The following DMTF1 variants were observed in gnomAD, a reference collection of about 807,000 sequenced individuals.
DMTF1 encodes cyclin-D-binding Myb-like transcription factor 1.
DMTF1 carries 39 observed loss-of-function variants against 91.1 expected under a neutral mutation model. The ratio of observed to expected loss-of-function variants is 0.43; its 90% confidence interval spans 0.33 to 0.56. The LOEUF is 0.56. Ranked by LOEUF, DMTF1 falls within the 20% of genes least tolerant of loss-of-function variation. The pLI is 0.05. For synonymous variants in DMTF1, 338 were observed against 309.5 expected (o/e 1.09, Z -0.97); for missense variants, 750 against 914.5 (o/e 0.82, Z 2.32).
chr7:87,172,154 C>G (rs1795205675), intron 5 of DMTF1, among the ~76,000 whole-genome samples: 1 of 152,164 alleles, frequency 6.6e-6, no homozygotes, highest in Non-Finnish European at 1.5e-5. Context: ...CTCTGTTACA[C>G]TCTTTACTGA....
Position 87,185,965 on chromosome 7 carries a change from G to A in DMTF1, c.1186G>A (p.Asp396Asn). ...TIKRQIANHK[D>N]VSFPVLIKGL... is the part of the protein sequence containing the mutation. ...CAAAAGGCAAATTGCAAACCATAAGGATGTTTCGTTCCCTGGTAATGTATT... is the reference window on the plus strand; with the variant it reads ...CAAAAGGCAAATTGCAAACCATAAGAATGTTTCGTTCCCTGGTAATGTATT... The change falls in exon 12 of 18, where the codon GAT becomes AAT. Residue 396 changes from aspartate (D) to asparagine (N), a missense_variant. Asp to Asn is a conservative substitution (Grantham distance 23, BLOSUM62 1). Around this residue, in one of 3 missense-constraint regions of DMTF1, gnomAD observed 190 missense variants for 343.8 expected, o/e 0.55. Coordinates refer to ENST00000331242, the MANE Select transcript of DMTF1 (RefSeq NM_001142327.2). The A allele has an allele frequency of 6.2e-7, 1 of 1,613,722 alleles. No individual in the cohort carries two copies. Among genetic ancestry groups the A allele is most frequent in the South Asian group, 1.1e-5 (1 of 91,078 alleles).
chr7:87,166,865 T>C (rs1416924421), intron 4 of DMTF1, among the ~76,000 whole-genome samples: 1 of 152,198 alleles, frequency 6.6e-6, no homozygotes, highest in Non-Finnish European at 1.5e-5. Flanking sequence ...CTTTTATTCC[T>C]GATTGTGCTT....
intron 1 of DMTF1, among the ~76,000 whole-genome samples, chr7:87,160,628 T>G (rs1792075090): frequency 6.6e-6 from 1 of 152,142 alleles, no homozygotes; most frequent in African/African-American, 2.4e-5. Context: ...TCAGTAAGGC[T>G]TCTGCCTCTA....
chr7:87,171,869 T>C (rs1463926540), intron 5 of DMTF1, among the ~76,000 whole-genome samples: 1 of 152,206 alleles, frequency 6.6e-6, no homozygotes. Context: ...TTATTGACAG[T>C]GTTGAATACT....
intron 6 of DMTF1, among the ~76,000 whole-genome samples, 181 bp downstream of exon 6, chr7:87,173,830 C>G (rs1239387058): frequency 6.6e-6 from 1 of 152,114 alleles, no homozygotes; most frequent in Middle Eastern, 3.2e-3. Context: ...ATGAAACCAC[C>G]ATTTGTTTTT....
At chr7:87,160,716 CT>C (rs1332003114) in intron 1 of DMTF1, among the ~76,000 whole-genome samples, 77 of 152,302 alleles carry the variant, frequency 5.1e-4, no homozygotes, top group Admixed American at 3.1e-3. Flanking sequence ...TCTCAGTTAT[CT>C]TTCCCCCCAG....
chr7:87,191,333 T>C (rs1267775452), intron 14 of DMTF1, among the ~76,000 whole-genome samples: 2 of 152,124 alleles, frequency 1.3e-5, no homozygotes, highest in East Asian at 1.9e-4. Flanking sequence ...AAACTAATCA[T>C]GAGCAATTTA....
intron 10 of DMTF1, among the ~76,000 whole-genome samples, chr7:87,182,980 C>G (rs1797683972): frequency 6.6e-6 from 1 of 151,788 alleles, no homozygotes; most frequent in Admixed American, 6.6e-5. Flanking sequence ...CCTTTCTGAG[C>G]CTCACTTCCT....
intron 10 of DMTF1, among the ~76,000 whole-genome samples, chr7:87,184,068 C>G (rs564565486): frequency 6.6e-6 from 1 of 152,148 alleles, no homozygotes; most frequent in Non-Finnish European, 1.5e-5. Context: ...CAGCCATTGA[C>G]GAAGCTCTTC....
At chr7:87,161,167 C>A (rs560278973) in intron 1 of DMTF1, among the ~76,000 whole-genome samples, 11 of 152,082 alleles carry the variant, frequency 7.2e-5, no homozygotes, top group Non-Finnish European at 1.3e-4. Context: ...CCACATAGCT[C>A]AGACTATAGG....
intron 14 of DMTF1, among the ~76,000 whole-genome samples, chr7:87,192,092 C>T (rs1386604686): frequency 6.6e-6 from 1 of 151,848 alleles, no homozygotes; most frequent in African/African-American, 2.4e-5. Flanking sequence ...AAGCCCATTC[C>T]CCTGGTAAAC....
chr7:87,172,542 A>G (rs555350418), intron 5 of DMTF1, among the ~76,000 whole-genome samples: 40 of 152,332 alleles, frequency 2.6e-4, no homozygotes, highest in Admixed American at 1.3e-3. Context: ...ATGGGTTTCA[A>G]TTTCTCTTTA....
Position 87,193,706 on chromosome 7 carries a change from G to A in DMTF1, c.1651-19G>A. 1 of 1,565,506 alleles carries A rather than the reference G, an allele frequency of 6.4e-7. No individual in the cohort carries two copies. The highest frequency in any genetic ancestry group is 8.6e-7 in the Non-Finnish European group (1 of 1,156,944). The stretch of plus-strand genomic sequence containing the variant: ...GTCATTTGATTTACAACTTTAACAG[G>A]TTCTTTAATGTTTTATAGCCAGAAC... On this transcript the variant is annotated intron_variant, in intron 15 of 17. Coordinates refer to ENST00000331242, the MANE Select transcript of DMTF1 (RefSeq NM_001142327.2).
chr7:87,194,998 A>G, intron 17 of DMTF1, 33 bp from the exon 18 acceptor site: 1 of 1,548,778 alleles, frequency 6.5e-7, no homozygotes. Context: ...GAATAAATAT[A>G]TACATTTAAG....
Position 87,194,047 on chromosome 7 carries a change from C to A in DMTF1, c.1973C>A (p.Thr658Asn). 1 of 1,611,940 alleles carries A rather than the reference C, an allele frequency of 6.2e-7. No individual in the cohort carries two copies. The highest frequency in any genetic ancestry group is 8.5e-7 in the Non-Finnish European group (1 of 1,179,016). The change falls in exon 16 of 18, where the codon ACC becomes AAC. Residue 658 changes from threonine to asparagine, a missense_variant. Thr to Asn is a moderately conservative substitution (Grantham distance 65). Around this residue, in one of 3 missense-constraint regions of DMTF1, gnomAD observed 410 missense variants for 420.2 expected, o/e 0.98. Coordinates refer to ENST00000331242, the MANE Select transcript of DMTF1 (RefSeq NM_001142327.2). ...AGAACAGAAGAAGAAATCTCTGACA[C>A]CGACCTTAAACAAGAGGAATCACCC... ...MVRTEEEISD[T>N]DLKQEESPSD...
At chr7:87,175,127 TCTC>T (rs1177518266) in intron 7 of DMTF1, among the ~76,000 whole-genome samples, 1 of 151,952 alleles carries the variant, frequency 6.6e-6, no homozygotes, top group Non-Finnish European at 1.5e-5. Context: ...CCAGCTATAT[TCTC>T]CTGCCTCAGC....
rs543790234 is a variant in DMTF1, at chr7:87,159,977, A to C, written c.-131-3518A>C. 2.0e-5 allele frequency among the ~76,000 whole-genome samples: 3 copies of C among 152,336 alleles called. 1 individual carries two copies. Among genetic ancestry groups the C allele is most frequent in the African/African-American group, 7.2e-5 (3 of 41,578 alleles). On this transcript the variant is annotated intron_variant, in intron 1 of 17. Transcript: ENST00000331242. ...TCTTTATTTTGCTCCAAAAAGGACCAAAAAAGTGATAGCAGAGTTGGCGAT... is the reference window on the plus strand; with the variant it reads ...TCTTTATTTTGCTCCAAAAAGGACCCAAAAAGTGATAGCAGAGTTGGCGAT...
intron 8 of DMTF1, 47 bp from the exon 9 acceptor site, chr7:87,181,262 C>T (rs778287915): frequency 2.3e-6 from 2 of 862,402 alleles, no homozygotes; most frequent in Middle Eastern, 2.7e-4. Flanking sequence ...AGGTTTTTAG[C>T]ATTCATTGTT....
At position 87,165,069 on chromosome 7, in the gene DMTF1, A is replaced by G. The variant is rs775331240; in HGVS notation, c.109+19A>G. The G allele has an allele frequency of 6.4e-7, 1 of 1,550,952 alleles. No homozygotes were observed. The highest frequency in any genetic ancestry group is 8.9e-7 in the Non-Finnish European group (1 of 1,128,644). ...CAGAATGGTAGGAGAACTTGCTGAC[A>G]TATAATTCTGACTCTCTGAATTTAT... is the stretch of plus-strand genomic sequence containing the variant. On this transcript the variant is annotated intron_variant, in intron 3 of 17. Transcript: ENST00000331242.
Sources: allele counts gnomAD v4.1 joint callset (sites outside exome capture counted in the v4.1 genomes callset), GRCh38; gene constraint gnomAD v4.1.1; regional missense constraint gnomAD v4.1.1; transcripts MANE v1.5; gene names NCBI Gene and HGNC (gene_info 2026-07-23, HGNC 2026-07-21).